The following GHSR variants were observed in gnomAD, a reference collection of about 807,000 sequenced individuals.
The protein encoded by GHSR is growth hormone secretagogue receptor type 1.
In GHSR, 17 loss-of-function variants were observed where a neutral mutation model predicts 24.0. That is an observed-to-expected ratio of 0.71 (90% CI 0.49 to 1.06). GHSR has a LOEUF of 1.06. Among genes scored for constraint, GHSR ranks in the 50% least tolerant of loss-of-function variants. GHSR has a pLI of 0.00. For synonymous variants in GHSR, 238 were observed against 208.1 expected, an observed-to-expected ratio of 1.14 and a Z score of -1.24; for missense variants, 504 against 483.1, an observed-to-expected ratio of 1.04 and a Z score of -0.41.
In GHSR at chr3:172,444,334, A is replaced by G. The variant is rs1473647652; in HGVS notation, c.*827T>C. ...ATATAAGGTGAATGATAAGTTTTGTATATACTCTAGAGCTGTACTGTTCTG... is the reference window on the plus strand; with the variant it reads ...ATATAAGGTGAATGATAAGTTTTGTGTATACTCTAGAGCTGTACTGTTCTG... On this transcript the variant is annotated 3_prime_UTR_variant, in exon 2 of 2. Transcript: ENST00000241256. Among the ~76,000 whole-genome samples the G allele has an allele frequency of 6.6e-6, 1 of 152,166 alleles. No individual in the cohort carries two copies. Among genetic ancestry groups the G allele is most frequent in the Non-Finnish European group, 1.5e-5 (1 of 68,006 alleles).
At position 172,447,711 on chromosome 3, in the gene GHSR, T is replaced by A. The variant is rs772178400; in HGVS notation, c.703A>T (p.Ile235Phe). The change falls in exon 1 of 2, where the codon ATC (isoleucine) becomes TTC (phenylalanine). Residue 235 changes from isoleucine (I) to phenylalanine (F), a missense_variant. Physicochemically the swap from Ile to Phe is conservative, Grantham distance 21. Coordinates refer to ENST00000241256, the MANE Select transcript of GHSR (RefSeq NM_198407.2). The part of the protein sequence containing the change: ...VFCLTVLYSL[I>F]GRKLWRRRRG... ...CTCCTCCGCCACAGCTTCCTGCCGA[T>A]GAGACTGTAGAGGACCGTGAGACAG... The A allele has an allele frequency of 1.9e-6, 3 of 1,613,922 alleles. No homozygotes were observed. The highest frequency in any genetic ancestry group is 2.5e-6 in the Non-Finnish European group (3 of 1,179,916).
chr3:172,445,371 A>T lies in GHSR; in HGVS notation c.891T>A (p.Ile297=), dbSNP rs1315030991. ...GGTTGCAGTACTGGCTGATCTGAGC[A>T]ATCTCCAAGGAGCCAGGCTCAAAGG... ...SKSFEPGSLE[I]AQISQYCNLV... is the part of the protein sequence containing the mutation. Residue 297 remains isoleucine (I), a synonymous_variant, in exon 2 of 2, where the codon ATT becomes ATA. Transcript: ENST00000241256. The T allele has an allele frequency of 1.2e-6, 2 of 1,614,066 alleles. No homozygotes were observed. Among genetic ancestry groups the T allele is most frequent in the Non-Finnish European group, 1.7e-6 (2 of 1,180,034 alleles).
rs138063648 is a variant in GHSR, at chr3:172,445,197, A to C, written c.1065T>G (p.Ser355Arg). ...TACTAGATTCTGTCCAGGCCCGAGA[A>C]CTTTCATCTTTCAGAGTGGAGAGCT... is the stretch of plus-strand genomic sequence containing the variant. ...QRKLSTLKDE[S>R]SRAWTESSIN... Residue 355 changes from serine (S) to arginine (R), a missense_variant, in exon 2 of 2, where the codon AGT (serine) becomes AGG (arginine). By Grantham distance (110) the Ser-to-Arg change is moderately radical. Coordinates refer to ENST00000241256, the MANE Select transcript of GHSR (RefSeq NM_198407.2). The C allele has an allele frequency of 1.2e-6, 2 of 1,614,130 alleles. No individual in the cohort carries two copies. The highest frequency in any genetic ancestry group is 2.2e-5 in the South Asian group (2 of 91,076).
rs199859784 is a variant in GHSR at position 172,448,447 on chromosome 3, G to T, written c.-34C>A. ...CTCAGCTGAACAGGCTCTGGGACGT[G>T]ACTGCGCTGGGAGGCTGGACCGAGC... On this transcript the variant is annotated 5_prime_UTR_variant, in exon 1 of 2. Transcript: ENST00000241256. This position sits in a 1 kb window ranked among gnomAD's most constrained non-coding sequence, Gnocchi z 4.8. The T allele has an allele frequency of 5.4e-5, 84 of 1,568,176 alleles. No individual in the cohort carries two copies. The African/African-American group carries it at 1.1e-3, about 20-fold the overall frequency.
At position 172,447,849 on chromosome 3, in the gene GHSR, C is replaced by T. The variant is rs1446594078; in HGVS notation, c.565G>A (p.Gly189Ser). 3 of 1,613,944 alleles carry T rather than the reference C, an allele frequency of 1.9e-6. No homozygotes were observed. Among genetic ancestry groups the T allele is most frequent in the South Asian group, 1.1e-5 (1 of 91,080 alleles). Residue 189 changes from glycine (G) to serine (S), a missense_variant, in exon 1 of 2, where the codon GGC becomes AGC. By Grantham distance (56) the Gly-to-Ser change is moderately conservative. Transcript: ENST00000241256. ...FVLVGVEHENGTDPWDTNECR... is the reference protein window; with the variant it reads ...FVLVGVEHENSTDPWDTNECR... Reference sequence around the variant, plus strand: ...TCGTTGGTGTCCCAAGGGTCGGTGCCGTTCTCGTGCTCCACCCCGACTAGC... The same window carrying T: ...TCGTTGGTGTCCCAAGGGTCGGTGCTGTTCTCGTGCTCCACCCCGACTAGC...
chr3:172,447,867 C>G lies in GHSR; in HGVS notation c.547G>C (p.Gly183Arg). 2 of 1,613,824 alleles carry G rather than the reference C, an allele frequency of 1.2e-6. No individual in the cohort carries two copies. The highest frequency in any genetic ancestry group is 2.2e-5 in the South Asian group (2 of 91,076). Residue 183 changes from glycine (G) to arginine (R), a missense_variant, in exon 1 of 2, where the codon GGG (glycine) becomes CGG (arginine). Coordinates refer to ENST00000241256, the MANE Select transcript of GHSR (RefSeq NM_198407.2). ...CSAGPIFVLV[G>R]VEHENGTDPW... ...TCGGTGCCGTTCTCGTGCTCCACCC[C>G]GACTAGCACGAAGATGGGCCCGGCG...
chr3:172,445,048 G>T lies in GHSR; in HGVS notation c.*113C>A. On this transcript the variant is annotated 3_prime_UTR_variant, in exon 2 of 2. Coordinates refer to ENST00000241256, the MANE Select transcript of GHSR (RefSeq NM_198407.2). Reference sequence around the variant, plus strand: ...TCTTTTTTCCCTCCCAGATGTTTCTGGATCTATGTGTTCCTAATTCCAAAA... The same window carrying T: ...TCTTTTTTCCCTCCCAGATGTTTCTTGATCTATGTGTTCCTAATTCCAAAA... 8.5e-7 allele frequency: 1 copy of T among 1,182,788 alleles called. No individual in the cohort carries two copies. The highest frequency in any genetic ancestry group is 1.3e-6 in the Non-Finnish European group (1 of 799,054). 73.3% of individuals were successfully genotyped at this position (1,182,788 alleles called of 1,614,324 possible). A position where few individuals can be genotyped will look rare whatever the true frequency, so the allele number is the denominator to read the frequency against.
rs1464498306 is a variant in GHSR at position 172,445,035 on chromosome 3, C to T, written c.*126G>A. 3.8e-6 allele frequency: 4 copies of T among 1,041,446 alleles called. No homozygotes were observed. The highest frequency in any genetic ancestry group is 5.9e-6 in the Non-Finnish European group (4 of 679,720). 64.5% of individuals were successfully genotyped at this position (1,041,446 alleles called of 1,614,324 possible). On this transcript the variant is annotated 3_prime_UTR_variant, in exon 2 of 2. Coordinates refer to ENST00000241256, the MANE Select transcript of GHSR (RefSeq NM_198407.2). ...CCTACAAATGATATCTTTTTTCCCT[C>T]CCAGATGTTTCTGGATCTATGTGTT...
rs753686167 is a variant in GHSR at position 172,448,117 on chromosome 3, G to T, written c.297C>A (p.Asp99Glu). 3 of 1,614,236 alleles carry T rather than the reference G, an allele frequency of 1.9e-6. No individual in the cohort carries two copies. In the South Asian group the frequency reaches 3.3e-5, roughly 18 times the overall value. Residue 99 changes from aspartate (D) to glutamate (E), a missense_variant, in exon 1 of 2, where the codon GAC becomes GAA. By Grantham distance (45) the Asp-to-Glu change is conservative. Transcript: ENST00000241256. The surrounding 1 kb of genome is among the most constrained non-coding windows in gnomAD (Gnocchi z 4.8). The stretch of plus-strand genomic sequence containing the variant: ...GCCGGTACTGCCAGAGGCGAACGAG[G>T]TCCAGGGGCATGCAGAGGAAGATGA... ...DLLIFLCMPL[D>E]LVRLWQYRPW...
chr3:172,447,493 A>C (rs1349866821), intron 1 of GHSR, 125 bp downstream of exon 1: 2 of 1,523,760 alleles, frequency 1.3e-6, no homozygotes, highest in Admixed American at 4.3e-5. Flanking sequence ...ACAGAGGCCC[A>C]GAGAAACTGA....
Position 172,448,071 on chromosome 3 carries a change from G to T in GHSR, c.343C>A (p.Leu115Ile). The T allele has an allele frequency of 6.2e-7, 1 of 1,614,212 alleles. No homozygotes were observed. The highest frequency in any genetic ancestry group is 8.5e-7 in the Non-Finnish European group (1 of 1,180,038). The change falls in exon 1 of 2, where the codon CTC (leucine) becomes ATC (isoleucine). Residue 115 changes from leucine (L) to isoleucine (I), a missense_variant. Physicochemically the swap from Leu to Ile is conservative, Grantham distance 5. Transcript: ENST00000241256. The surrounding 1 kb of genome is among the most constrained non-coding windows in gnomAD (Gnocchi z 4.8). ...QYRPWNFGDL[L>I]CKLFQFVSES... is the part of the protein sequence containing the mutation. ...CTGACGAATTGGAAGAGTTTGCAGAGGAGGTCGCCGAAGTTCCAGGGCCGG... is the reference window on the plus strand; with the variant it reads ...CTGACGAATTGGAAGAGTTTGCAGATGAGGTCGCCGAAGTTCCAGGGCCGG...
rs1163068621 is a variant in GHSR, at chr3:172,447,635, T to G, written c.779A>C (p.Gln260Pro). 1.6e-5 allele frequency: 26 copies of G among 1,613,858 alleles called. No homozygotes were observed. The highest frequency in any genetic ancestry group is 1.9e-5 in the Non-Finnish European group (22 of 1,179,982). The change falls in exon 1 of 2, where the codon CAA (glutamine) becomes CCA (proline). Residue 260 changes from glutamine to proline, a missense_variant. Transcript: ENST00000241256. ...AGACCCACCCAGCATTTTCACGGTT[T>G]GCTTGTGGTTCTGGTCCCTGAGCGA... is the stretch of plus-strand genomic sequence containing the variant. ...GASLRDQNHK[Q>P]TVKMLAVVVF...
At chr3:172,446,619 CT>C (rs1171899487) in intron 1 of GHSR, among the ~76,000 whole-genome samples, 1 of 152,138 alleles carries the variant, frequency 6.6e-6, no homozygotes, top group Non-Finnish European at 1.5e-5. Context: ...ATATACAGAC[CT>C]TGGTTTTGAA....
At chr3:172,447,454 G>A in intron 1 of GHSR, 164 bp downstream of exon 1, 1 of 1,425,220 alleles carries the variant, frequency 7.0e-7, no homozygotes, top group South Asian at 1.5e-5. Context: ...AAAGCAAGAG[G>A]AGAGAATAAT....
In GHSR at chr3:172,448,236, C is replaced by A; in HGVS notation, c.178G>T (p.Gly60Cys). The A allele has an allele frequency of 6.2e-7, 1 of 1,614,030 alleles. No individual in the cohort carries two copies. The highest frequency in any genetic ancestry group is 8.5e-7 in the Non-Finnish European group (1 of 1,180,024). ...CVALFVVGIA[G>C]NLLTMLVVSR... ...ACCACCAGCATGGTGAGCAGGTTGC[C>A]AGCGATGCCCACCACGAAGAGTGCC... The change falls in exon 1 of 2, where the codon GGC (glycine) becomes TGC (cysteine). Residue 60 changes from glycine to cysteine, a missense_variant. Gly to Cys is a radical substitution (Grantham distance 159). Coordinates refer to ENST00000241256, the MANE Select transcript of GHSR (RefSeq NM_198407.2). This position sits in a 1 kb window ranked among gnomAD's most constrained non-coding sequence, Gnocchi z 4.8.
At chr3:172,447,415 A>G (rs1159556856) in intron 1 of GHSR, 1 of 1,147,518 alleles carries the variant, frequency 8.7e-7, no homozygotes, top group East Asian at 2.6e-5. Flanking sequence ...ACAGAGAGAA[A>G]GATTGAGAGA....
In GHSR at chr3:172,448,346, G is replaced by A. The variant is rs149430564; in HGVS notation, c.68C>T (p.Ala23Val). The change falls in exon 1 of 2, where the codon GCT becomes GTT. Residue 23 changes from alanine (A) to valine (V), a missense_variant. Physicochemically the swap from Ala to Val is moderately conservative, Grantham distance 64. Transcript: ENST00000241256. The surrounding 1 kb of genome is among the most constrained non-coding windows in gnomAD (Gnocchi z 4.8). ...GCCCAGCGAGTCGTTGCCGGGGGAA[G>A]CATCCCAGTCCAGGTCGGCCAGTGT... ...NLTLADLDWD[A>V]SPGNDSLGDE... is the part of the protein sequence containing the mutation. The A allele has an allele frequency of 4.9e-5, 78 of 1,603,334 alleles. No homozygotes were observed. The African/African-American group carries it at 8.8e-4, about 18-fold the overall frequency.
Position 172,448,084 on chromosome 3 carries a change from G to A in GHSR, c.330C>T (p.Asn110=). Residue 110 remains asparagine (N), a synonymous_variant, in exon 1 of 2, where the codon AAC becomes AAT. Coordinates refer to ENST00000241256, the MANE Select transcript of GHSR (RefSeq NM_198407.2). The surrounding 1 kb of genome is among the most constrained non-coding windows in gnomAD (Gnocchi z 4.8). ...AGAGTTTGCAGAGGAGGTCGCCGAA[G>A]TTCCAGGGCCGGTACTGCCAGAGGC... ...LVRLWQYRPW[N]FGDLLCKLFQ... The A allele has an allele frequency of 6.2e-7, 1 of 1,614,222 alleles. No individual in the cohort carries two copies.
Position 172,448,387 on chromosome 3 carries a change from C to T in GHSR, c.27G>A (p.Glu9=), listed in dbSNP as rs1440948310. ...CGGCCAGTGTGAGGTTGAACCCCGG[C>T]TCTTCGCTGGGCGTCGCGTTCCACA... is the stretch of plus-strand genomic sequence containing the variant. MWNATPSE[E]PGFNLTLADL... Residue 9 remains glutamate (E), a synonymous_variant, in exon 1 of 2, where the codon GAG becomes GAA. Transcript: ENST00000241256. The surrounding 1 kb of genome is among the most constrained non-coding windows in gnomAD (Gnocchi z 4.8). The T allele has an allele frequency of 6.3e-7, 1 of 1,597,936 alleles. No homozygotes were observed. Among genetic ancestry groups the T allele is most frequent in the Non-Finnish European group, 8.5e-7 (1 of 1,179,220 alleles).
Sources: allele counts gnomAD v4.1 joint callset (sites outside exome capture counted in the v4.1 genomes callset), GRCh38; gene constraint gnomAD v4.1.1; non-coding constraint Gnocchi (gnomAD v3.1); transcripts MANE v1.5; gene names NCBI Gene and HGNC (gene_info 2026-07-23, HGNC 2026-07-21).